The following MED12L variants were observed in gnomAD, a reference collection of about 807,000 sequenced individuals.
MED12L encodes the protein mediator of RNA polymerase II transcription subunit 12-like protein.
Under a neutral mutation model 281.3 loss-of-function variants are expected in MED12L, and 60 were observed. The ratio of observed to expected loss-of-function variants is 0.21; its 90% CI spans 0.17 to 0.26. MED12L has a LOEUF of 0.26. MED12L is among the 10% of genes least tolerant of loss of function. The probability of loss-of-function intolerance (pLI) is 1.00; values close to 1 mark genes in which losing one functional copy is unlikely to be tolerated. For missense variants in MED12L, 2,146 were observed against 2,680.9 expected, an observed-to-expected ratio of 0.80 and a Z score of 4.41; for synonymous variants, 974 against 987.2, an observed-to-expected ratio of 0.99 and a Z score of 0.25.
At chr3:151,096,927 A>G (rs1214797960) in intron 2 of MED12L, among the ~76,000 whole-genome samples, 1 of 152,180 alleles carries the variant, frequency 6.6e-6, no homozygotes, top group East Asian at 1.9e-4. Context: ...CCTCTTTGAG[A>G]GCTGGTAACT....
chr3:151,119,637 G>T (rs73014871), intron 3 of MED12L, among the ~76,000 whole-genome samples: 5,980 of 152,206 alleles, frequency 0.039, 395 homozygotes, highest in African/African-American at 0.14. Context: ...TCATAACAGA[G>T]AGTATGAATG....
intron 8 of MED12L, 73 bp from the exon 9 acceptor site, chr3:151,163,820 G>T: frequency 6.8e-7 from 1 of 1,461,678 alleles, no homozygotes; most frequent in Non-Finnish European, 9.4e-7. Flanking sequence ...ACAGGGTGTC[G>T]TTTTTACTGT....
At chr3:151,422,029 G>T (rs2108430185) in intron 43 of MED12L, among the ~76,000 whole-genome samples, 1 of 152,152 alleles carries the variant, frequency 6.6e-6, no homozygotes, top group East Asian at 1.9e-4. Context: ...ATTCACAGTT[G>T]AATTCAATAA....
chr3:151,357,477 G>A (rs976048030), intron 20 of MED12L, 101 bp downstream of exon 20: 2 of 1,048,882 alleles, frequency 1.9e-6, no homozygotes, highest in African/African-American at 1.6e-5. Flanking sequence ...ACTGATACCT[G>A]TTTTAGTTAA....
intron 16 of MED12L, among the ~76,000 whole-genome samples, chr3:151,248,138 T>G (rs1003410698): frequency 6.6e-6 from 1 of 151,934 alleles, no homozygotes; most frequent in Admixed American, 6.6e-5. Context: ...AAACAAAAAA[T>G]GCTATGAATG....
At chr3:151,294,997 T>G in intron 16 of MED12L, 1 of 1,613,564 alleles carries the variant, frequency 6.2e-7, no homozygotes, top group East Asian at 2.2e-5. Context: ...CTGCAACCAC[T>G]ATGTTTTTGA....
At chr3:151,262,919 C>T (rs1429053490) in intron 16 of MED12L, among the ~76,000 whole-genome samples, 1 of 152,096 alleles carries the variant, frequency 6.6e-6, no homozygotes, top group Non-Finnish European at 1.5e-5. Flanking sequence ...AGCATTTTGC[C>T]TGAAGACACG....
intron 11 of MED12L, among the ~76,000 whole-genome samples, chr3:151,178,415 G>T (rs113066191): frequency 2.6e-5 from 4 of 152,126 alleles, no homozygotes; most frequent in African/African-American, 9.7e-5. Context: ...CAGCTCAAAA[G>T]GGAGCAGAAT....
rs1317204506 is a variant in MED12L at position 151,433,463 on chromosome 3, A to G, written c.*659A>G. Reference sequence around the variant, plus strand: ...TAAACTTCTTAAACCAAGAACCTAAACCAAGGTTTCTTTGAGAGCCGCCCT... The same window carrying G: ...TAAACTTCTTAAACCAAGAACCTAAGCCAAGGTTTCTTTGAGAGCCGCCCT... On this transcript the variant is annotated 3_prime_UTR_variant, in exon 45 of 45. Transcript: ENST00000687756. The G allele has an allele frequency of 6.6e-6, 1 of 152,656 alleles. No homozygotes were observed. The highest frequency in any genetic ancestry group is 1.5e-5 in the Non-Finnish European group (1 of 68,042). 9.5% of individuals were successfully genotyped at this position (152,656 alleles called of 1,614,324 possible). A position where few individuals can be genotyped will look rare whatever the true frequency, so the allele number is the denominator to read the frequency against.
intron 16 of MED12L, among the ~76,000 whole-genome samples, chr3:151,201,601 A>C (rs974990241): frequency 6.6e-5 from 10 of 152,214 alleles, no homozygotes; most frequent in African/African-American, 2.4e-4. Flanking sequence ...TCATCTTCTA[A>C]GCGCTCTGCA....
At chr3:151,367,856 T>A (rs1755474121) in intron 24 of MED12L, 90 bp downstream of exon 24, 1 of 1,424,516 alleles carries the variant, frequency 7.0e-7, no homozygotes, top group African/African-American at 1.4e-5. Flanking sequence ...AAGGAGTATT[T>A]GAGGGTATGT....
chr3:151,090,984 T>G (rs1241775079), intron 2 of MED12L, among the ~76,000 whole-genome samples: 1 of 152,146 alleles, frequency 6.6e-6, no homozygotes, highest in Non-Finnish European at 1.5e-5. Flanking sequence ...GAGGTTGCAG[T>G]GAGCCGAGAT....
intron 16 of MED12L, chr3:151,338,584 C>G (rs753243500): frequency 6.2e-7 from 1 of 1,613,732 alleles, no homozygotes; most frequent in South Asian, 1.1e-5. Flanking sequence ...GGTCCTGTTC[C>G]CAGTTTGGCA....
chr3:151,377,139 C>T lies in MED12L; in HGVS notation c.4277C>T (p.Thr1426Ile), dbSNP rs187975116. 1 of 1,613,842 alleles carries T rather than the reference C, an allele frequency of 6.2e-7. No homozygotes were observed. Among genetic ancestry groups the T allele is most frequent in the East Asian group, 2.2e-5 (1 of 44,862 alleles). The change falls in exon 30 of 45, where the codon ACA becomes ATA. Residue 1426 changes from threonine to isoleucine, a missense_variant. By Grantham distance (89) the Thr-to-Ile change is moderately conservative. Transcript: ENST00000687756. Reference protein sequence around the residue: ...FNPNSIGSADTSSTRQNGIKT... With the variant: ...FNPNSIGSADISSTRQNGIKT... The stretch of plus-strand genomic sequence containing the variant: ...CCAAACAGTATTGGAAGTGCTGATA[C>T]AAGTAGCACGAGACAGAATGGAATA...
intron 16 of MED12L, among the ~76,000 whole-genome samples, chr3:151,206,805 C>T (rs896696730): frequency 6.6e-6 from 1 of 151,390 alleles, no homozygotes; most frequent in African/African-American, 2.4e-5. Flanking sequence ...CCACCACGCC[C>T]AGCTAAATTT....
chr3:151,119,488 C>T (rs182149833), intron 3 of MED12L, among the ~76,000 whole-genome samples: 20 of 152,224 alleles, frequency 1.3e-4, no homozygotes, highest in Admixed American at 9.8e-4. Flanking sequence ...GTGGTGTCTC[C>T]TCTTATAAAG....
intron 43 of MED12L, among the ~76,000 whole-genome samples, 171 bp from the exon 44 acceptor site, chr3:151,430,128 A>G (rs768089794): frequency 1.1e-4 from 17 of 152,344 alleles, no homozygotes; most frequent in Middle Eastern, 6.8e-3. Context: ...GATGTTCACC[A>G]GATGCACAAC....
At chr3:151,247,602 G>A (rs1355686929) in intron 16 of MED12L, among the ~76,000 whole-genome samples, 1 of 114,960 alleles carries the variant, frequency 8.7e-6, no homozygotes, top group Admixed American at 9.2e-5. Flanking sequence ...TCACACTCCG[G>A]GGACTGTTGT....
intron 16 of MED12L, chr3:151,269,737 A>G (rs1346440075): frequency 4.8e-6 from 2 of 419,468 alleles, no homozygotes; most frequent in Non-Finnish European, 9.3e-6. Context: ...AGTTCTCTCC[A>G]AGGAATTTCA....
Sources: allele counts gnomAD v4.1 joint callset (sites outside exome capture counted in the v4.1 genomes callset), GRCh38; gene constraint gnomAD v4.1.1; transcripts MANE v1.5; gene names NCBI Gene and HGNC (gene_info 2026-07-23, HGNC 2026-07-21).